Variants in TAF2 observed in about 807,000 individuals in gnomAD.
TAF2 encodes the protein transcription initiation factor TFIID subunit 2.
TAF2 carries 61 observed loss-of-function variants against 138.5 expected under a neutral mutation model. The observed-to-expected ratio is 0.44, with a 90% CI of 0.36 to 0.54. The LOEUF (loss-of-function observed/expected upper bound fraction) is 0.54, where lower values mean the gene tolerates loss of function less well. Among genes scored for constraint, TAF2 ranks in the 20% least tolerant of loss-of-function variants. The pLI is 0.00. For missense variants in TAF2, 1,090 were observed against 1,427.9 expected (o/e 0.76, Z 3.81); for synonymous variants, 475 against 469.9 (o/e 1.01, Z -0.14).
At chr8:119,787,316 C>T (rs187271097) in intron 14 of TAF2, among the ~76,000 whole-genome samples, 153 of 151,780 alleles carry the variant, frequency 1.0e-3, no homozygotes, top group African/African-American at 3.5e-3. Context: ...GTAACTAACC[C>T]GCACATTGTG....
intron 18 of TAF2, among the ~76,000 whole-genome samples, chr8:119,764,096 A>C (rs1006679579): frequency 2.0e-5 from 3 of 150,764 alleles, no homozygotes; most frequent in Non-Finnish European, 4.4e-5. Context: ...CAGTGAGCCG[A>C]GATTGTGCCA....
intron 25 of TAF2, among the ~76,000 whole-genome samples, chr8:119,739,293 T>C (rs1159995730): frequency 1.3e-5 from 2 of 152,142 alleles, no homozygotes; most frequent in Admixed American, 6.5e-5. Context: ...GGAGAGAATA[T>C]TGTATGTTCA....
intron 3 of TAF2, among the ~76,000 whole-genome samples, chr8:119,817,320 C>T (rs1440006548): frequency 6.6e-6 from 1 of 152,096 alleles, no homozygotes; most frequent in African/African-American, 2.4e-5. Flanking sequence ...AGCTTTGCCT[C>T]CTGTCAGATC....
chr8:119,750,214 G>A (rs768140351), intron 22 of TAF2, among the ~76,000 whole-genome samples: 52 of 152,122 alleles, frequency 3.4e-4, no homozygotes, highest in Non-Finnish European at 6.3e-4. Context: ...GGTGGCAGGC[G>A]CCTGTAGTCC....
intron 6 of TAF2, among the ~76,000 whole-genome samples, chr8:119,798,083 C>G (rs1389648336): frequency 6.6e-6 from 1 of 151,996 alleles, no homozygotes; most frequent in Non-Finnish European, 1.5e-5. Context: ...AATGCTCAGA[C>G]CAACTAAAAT....
chr8:119,762,369 A>T, intron 19 of TAF2, 46 bp downstream of exon 19: 1 of 1,555,398 alleles, frequency 6.4e-7, no homozygotes, highest in Non-Finnish European at 8.8e-7. Context: ...AATTTCTTTT[A>T]CAGTTATAAG....
chr8:119,812,935 T>G lies in TAF2; in HGVS notation c.299+6411A>C, dbSNP rs575234237. On this transcript the variant is annotated intron_variant, in intron 3 of 25. Transcript: ENST00000378164. ...AGACATGTAGGTGTCTTTTTTGACA[T>G]AGGGACTTATTTTCCTTTTAATAGA... 2.0e-5 allele frequency among the ~76,000 whole-genome samples: 3 copies of G among 152,210 alleles called. 1 individual carries two copies. Among genetic ancestry groups the G allele is most frequent in the Non-Finnish European group, 4.4e-5 (3 of 68,026 alleles).
At chr8:119,762,868 G>A in intron 18 of TAF2, 2 of 305,254 alleles carry the variant, frequency 6.6e-6, no homozygotes, top group Non-Finnish European at 6.1e-6. Context: ...AAACTGGAGG[G>A]TTAATGTAGG....
At position 119,832,797 on chromosome 8, in the gene TAF2, A is replaced by G; in HGVS notation, c.-233T>C. 1 of 476,318 alleles carries G rather than the reference A, an allele frequency of 2.1e-6. No individual in the cohort carries two copies. The allele number at this position is 476,318 out of a possible 1,614,324, so 29.5% of individuals were successfully genotyped here. On this transcript the variant is annotated 5_prime_UTR_variant, in exon 1 of 26. Transcript: ENST00000378164. ...CTGTCACAGAGATGCTCCTCTCCGCAAGGGCTCGAAGCTACCATCCGCCGA... is the reference window on the plus strand; with the variant it reads ...CTGTCACAGAGATGCTCCTCTCCGCGAGGGCTCGAAGCTACCATCCGCCGA...
chr8:119,790,807 T>G (rs1443052400), intron 11 of TAF2, among the ~76,000 whole-genome samples: 2 of 152,116 alleles, frequency 1.3e-5, no homozygotes, highest in Non-Finnish European at 2.9e-5. Context: ...TTCTAGTTTT[T>G]TTTTCTTTTG....
chr8:119,812,033 C>T (rs1313772982), intron 3 of TAF2, among the ~76,000 whole-genome samples: 1 of 152,058 alleles, frequency 6.6e-6, no homozygotes, highest in Non-Finnish European at 1.5e-5. Context: ...TCAGAAGACT[C>T]ACCCAAGTAA....
At chr8:119,744,807 G>GC (rs1172700958) in intron 23 of TAF2, 3 of 423,064 alleles carry the variant, frequency 7.1e-6, no homozygotes, top group African/African-American at 4.1e-5. Context: ...AAAAACCACT[G>GC]CAAGTATTCA....
At chr8:119,802,170 C>A in intron 5 of TAF2, 145 bp from the exon 6 acceptor site, 1 of 674,332 alleles carries the variant, frequency 1.5e-6, no homozygotes, top group South Asian at 1.9e-5. Context: ...TACTGTACAA[C>A]CTGAAAAAAA....
intron 18 of TAF2, among the ~76,000 whole-genome samples, chr8:119,768,597 G>A (rs934096461): frequency 2.0e-5 from 3 of 152,196 alleles, no homozygotes; most frequent in Non-Finnish European, 4.4e-5. Context: ...CAATTTGGGG[G>A]AATGTTCCAC....
At chr8:119,741,587 G>C (rs1819603819) in intron 25 of TAF2, among the ~76,000 whole-genome samples, 1 of 152,128 alleles carries the variant, frequency 6.6e-6, no homozygotes, top group Non-Finnish European at 1.5e-5. Flanking sequence ...ACAGTCTGGG[G>C]TCTCAACATC....
chr8:119,771,785 G>C (rs1821858681), intron 18 of TAF2, among the ~76,000 whole-genome samples: 2 of 152,040 alleles, frequency 1.3e-5, no homozygotes, highest in South Asian at 4.1e-4. Context: ...AGGTCATTGA[G>C]GCAGAAAGTC....
intron 4 of TAF2, among the ~76,000 whole-genome samples, chr8:119,805,927 C>T (rs955057277): frequency 7.4e-5 from 11 of 148,414 alleles, no homozygotes; most frequent in African/African-American, 2.2e-4. Flanking sequence ...TTTTTTAAGA[C>T]GGAGTCTCAC....
chr8:119,801,154 A>T (rs1824227503), intron 6 of TAF2, among the ~76,000 whole-genome samples: 1 of 152,214 alleles, frequency 6.6e-6, no homozygotes, highest in African/African-American at 2.4e-5. Flanking sequence ...AGATGGGACC[A>T]CAACATTCAA....
At chr8:119,791,245 T>C in intron 11 of TAF2, 79 bp downstream of exon 11, 1 of 1,543,644 alleles carries the variant, frequency 6.5e-7, no homozygotes, top group Non-Finnish European at 8.9e-7. Context: ...TCCTGACTCC[T>C]ATTCTACAGA....
Sources: gnomAD v4.1 joint callset for allele counts (sites outside exome capture counted in the v4.1 genomes callset) on GRCh38, gnomAD v4.1.1 for gene constraint, MANE v1.5 for transcripts, NCBI Gene and HGNC (gene_info 2026-07-23, HGNC 2026-07-21) for gene names.